The following RAPGEF6 variants were observed in gnomAD, a reference collection of about 807,000 sequenced individuals.
RAPGEF6 encodes PDZ domain containing guanine nucleotide exchange factor (GEF) 2.
In RAPGEF6, 56 loss-of-function variants were observed where a neutral mutation model predicts 171.4. That is an observed-to-expected ratio of 0.33 (90% CI 0.26 to 0.41). The LOEUF is 0.41. RAPGEF6 is among the 10% of genes least tolerant of loss of function. The pLI is 1.00. For missense variants in RAPGEF6, 1,674 were observed against 1,921.4 expected (o/e 0.87, Z 2.41); for synonymous variants, 692 against 650.1 (o/e 1.06, Z -0.98).
intron 11 of RAPGEF6, among the ~76,000 whole-genome samples, chr5:131,502,760 C>G (rs924080851): frequency 1.1e-4 from 17 of 152,180 alleles, no homozygotes; most frequent in African/African-American, 4.1e-4. Flanking sequence ...ATTGGGATAG[C>G]TGGTGAAAAT....
In RAPGEF6 at chr5:131,427,025, G is replaced by A. The variant is rs747156159; in HGVS notation, c.*241C>T. On this transcript the variant is annotated 3_prime_UTR_variant, in exon 28 of 28. Transcript: ENST00000509018. ...ACTGTGGTCCCAAGGCAGTTCCGGC[G>A]TGCAAAGTGGAGACTGGTATCCAGG... 18 of 522,470 alleles carry A rather than the reference G, an allele frequency of 3.4e-5. No homozygotes were observed. The highest frequency in any genetic ancestry group is 5.0e-5 in the Non-Finnish European group (15 of 298,284). The allele number at this position is 522,470 out of a possible 1,614,324, so 32.4% of individuals were successfully genotyped here. A position where few individuals can be genotyped will look rare whatever the true frequency, so the allele number is the denominator to read the frequency against.
In RAPGEF6 at chr5:131,554,670, C is replaced by T. The variant is rs190401996; in HGVS notation, c.352-6480G>A. 4.8e-3 allele frequency among the ~76,000 whole-genome samples: 727 copies of T among 152,242 alleles called. 5 individuals are homozygous for T. The highest frequency in any genetic ancestry group is 0.017 in the African/African-American group (690 of 41,558). ...AAGTAGCTGGGATTAGAGGCGCCTA[C>T]CACACCTGGCTAATTTTTGTATTTT... On this transcript the variant is annotated intron_variant, in intron 5 of 27. Transcript: ENST00000509018.
intron 25 of RAPGEF6, among the ~76,000 whole-genome samples, chr5:131,431,687 C>A (rs1052798040): frequency 2.6e-5 from 4 of 151,610 alleles, no homozygotes; most frequent in African/African-American, 9.7e-5. Context: ...TTTACAGGCA[C>A]GATCATGATG....
rs779669033 is a variant in RAPGEF6 at position 131,431,319 on chromosome 5, C to T, written c.4005G>A (p.Lys1335=). The part of the protein sequence containing the change: ...GWTLLKPSLI[K]CLAVSSSVSN... ...TCACAGACGATGAGACAGCTAAACA[C>T]TTGATTAGAGATGGCTTCAAGAGTG... The change falls in exon 26 of 28, where the codon AAG becomes AAA. Residue 1335 remains lysine (K), a synonymous_variant. Transcript: ENST00000509018. 1 of 1,608,586 alleles carries T rather than the reference C, an allele frequency of 6.2e-7. No homozygotes were observed. Among genetic ancestry groups the T allele is most frequent in the Non-Finnish European group, 8.5e-7 (1 of 1,175,330 alleles).
At chr5:131,468,192 C>T (rs1407389052) in intron 17 of RAPGEF6, among the ~76,000 whole-genome samples, 3 of 151,342 alleles carry the variant, frequency 2.0e-5, no homozygotes, top group South Asian at 4.2e-4. Context: ...ATTAGCTGGG[C>T]GTGGTGGCGG....
In RAPGEF6 at chr5:131,472,698, T is replaced by C; in HGVS notation, c.2128A>G (p.Arg710Gly). The C allele has an allele frequency of 3.1e-6, 5 of 1,612,694 alleles. No individual in the cohort carries two copies. The highest frequency in any genetic ancestry group is 4.2e-6 in the Non-Finnish European group (5 of 1,178,650). ...QSQDDSIVGT[R>G]HCRHSLAIMP... is the part of the protein sequence containing the mutation. Reference sequence around the variant, plus strand: ...ATAGCCAGACTATGCCTACAGTGCCTTGTTCCCACAATGCTGTCATCTTGT... The same window carrying C: ...ATAGCCAGACTATGCCTACAGTGCCCTGTTCCCACAATGCTGTCATCTTGT... The change falls in exon 17 of 28, where the codon AGG becomes GGG. Residue 710 changes from arginine (R) to glycine (G), a missense_variant. Transcript: ENST00000509018.
chr5:131,531,853 T>C (rs1339052349), intron 6 of RAPGEF6, among the ~76,000 whole-genome samples: 1 of 152,146 alleles, frequency 6.6e-6, no homozygotes, highest in African/African-American at 2.4e-5. Flanking sequence ...TAATTCAGTC[T>C]GAAGAGAGTA....
intron 23 of RAPGEF6, among the ~76,000 whole-genome samples, chr5:131,441,108 C>T (rs1752356177): frequency 2.0e-5 from 3 of 152,208 alleles, no homozygotes; most frequent in Admixed American, 6.5e-5. Flanking sequence ...TGGCATGGCA[C>T]ATTGTAATTT....
intron 19 of RAPGEF6, among the ~76,000 whole-genome samples, chr5:131,459,498 C>G (rs935509214): frequency 3.3e-5 from 5 of 152,044 alleles, no homozygotes; most frequent in Non-Finnish European, 7.4e-5. Flanking sequence ...CTTAACTAAC[C>G]ACAAAATGCA....
chr5:131,511,146 A>T (rs1757693110), intron 7 of RAPGEF6: 1 of 152,238 alleles, frequency 6.6e-6, no homozygotes, highest in Non-Finnish European at 1.5e-5. Flanking sequence ...TTGGAAACAT[A>T]TTAGTCTTAC....
chr5:131,480,928 CTTTT>C (rs34370165), intron 15 of RAPGEF6, among the ~76,000 whole-genome samples: 3 of 142,264 alleles, frequency 2.1e-5, no homozygotes, highest in Non-Finnish European at 3.1e-5. Context: ...TTAGATACTG[CTTTT>C]TTTTTTTTTT....
At chr5:131,513,606 G>A (rs1342432819) in intron 7 of RAPGEF6, among the ~76,000 whole-genome samples, 1 of 152,180 alleles carries the variant, frequency 6.6e-6, no homozygotes, top group African/African-American at 2.4e-5. Context: ...TAGCTCTTTA[G>A]GAAGAATGGA....
At chr5:131,443,171 G>C (rs528159722) in intron 22 of RAPGEF6, among the ~76,000 whole-genome samples, 2 of 152,024 alleles carry the variant, frequency 1.3e-5, no homozygotes, top group Non-Finnish European at 2.9e-5. Flanking sequence ...TCGAACTCCC[G>C]ACCTCAGGTG....
chr5:131,556,938 T>C (rs1024928345), intron 5 of RAPGEF6, among the ~76,000 whole-genome samples: 20 of 152,182 alleles, frequency 1.3e-4, no homozygotes, highest in South Asian at 4.1e-4. Context: ...TCTGCACATT[T>C]GTTAAGTTTA....
intron 7 of RAPGEF6, 109 bp downstream of exon 7, chr5:131,521,281 G>T (rs1005524916): frequency 8.7e-7 from 1 of 1,154,756 alleles, no homozygotes; most frequent in Non-Finnish European, 1.2e-6. Context: ...AAGACCTTAC[G>T]CTTGAATTTC....
rs184809936 is a variant in RAPGEF6 at position 131,591,321 on chromosome 5, G to C, written c.281+1062C>G. Among the ~76,000 whole-genome samples the C allele has an allele frequency of 1.1e-3, 162 of 152,236 alleles. 1 individual carries two copies. The highest frequency in any genetic ancestry group is 1.4e-3 in the Non-Finnish European group (93 of 68,004). ...CCTAAAATCTTAATAATTACTAACA[G>C]AATTCCACAACTGACCTTCTTTCTA... On this transcript the variant is annotated intron_variant, in intron 4 of 27. Coordinates refer to ENST00000509018, the MANE Select transcript of RAPGEF6 (RefSeq NM_016340.6).
intron 13 of RAPGEF6, among the ~76,000 whole-genome samples, chr5:131,494,570 A>C (rs758421240): frequency 1.4e-4 from 21 of 152,240 alleles, no homozygotes; most frequent in Non-Finnish European, 2.6e-4. Flanking sequence ...ATTTGGCTAT[A>C]ATCTAGGGTA....
chr5:131,488,832 T>C (rs946712316), intron 15 of RAPGEF6, among the ~76,000 whole-genome samples: 15 of 152,224 alleles, frequency 9.9e-5, no homozygotes, highest in Admixed American at 9.8e-4. Context: ...TTCTTTGTTA[T>C]TTCAATTGCT....
chr5:131,461,872 A>G lies in RAPGEF6; in HGVS notation c.2697T>C (p.His899=), dbSNP rs753196618. The change falls in exon 19 of 28, where the codon CAT becomes CAC. Residue 899 remains histidine (H), a synonymous_variant. Coordinates refer to ENST00000509018, the MANE Select transcript of RAPGEF6 (RefSeq NM_016340.6). ...TTACAATGTCCTCAAACCTCTTCAAATGAGTATTTCCTGTTTTGGAATTTA... is the reference window on the plus strand; with the variant it reads ...TTACAATGTCCTCAAACCTCTTCAAGTGAGTATTTCCTGTTTTGGAATTTA... ...FKLNSKTGNT[H]LKRFEDIVNQ... 1.6e-5 allele frequency: 26 copies of G among 1,613,994 alleles called. No individual in the cohort carries two copies. Among genetic ancestry groups the G allele is most frequent in the Non-Finnish European group, 1.9e-5 (22 of 1,179,994 alleles).
Sources: gnomAD v4.1 joint callset for allele counts (sites outside exome capture counted in the v4.1 genomes callset) on GRCh38, gnomAD v4.1.1 for gene constraint, MANE v1.5 for transcripts, NCBI Gene and HGNC (gene_info 2026-07-23, HGNC 2026-07-21) for gene names.